The following ALOX5 variants were observed in gnomAD, a reference collection of about 807,000 sequenced individuals.
ALOX5 encodes arachidonate 5-lipoxygenase, also known as polyunsaturated fatty acid 5-lipoxygenase.
Under a neutral mutation model 87.9 loss-of-function variants are expected in ALOX5, and 64 were observed. The observed-to-expected ratio is 0.73, with a 90% CI of 0.60 to 0.90. The LOEUF is 0.90. Among genes scored for constraint, ALOX5 ranks in the 40% least tolerant of loss-of-function variants. The pLI is 0.00. For synonymous variants in ALOX5, 388 were observed against 355.1 expected, an observed-to-expected ratio of 1.09 and a Z score of -1.04; for missense variants, 822 against 907.5, an observed-to-expected ratio of 0.91 and a Z score of 1.21.
intron 4 of ALOX5, among the ~76,000 whole-genome samples, chr10:45,414,916 A>G (rs921923616): frequency 6.6e-6 from 1 of 152,268 alleles, no homozygotes; most frequent in Non-Finnish European, 1.5e-5. Context: ...AATGGCAATC[A>G]TTAAAAAGTC....
At chr10:45,439,188 A>C (rs924436697) in intron 7 of ALOX5, among the ~76,000 whole-genome samples, 1 of 152,234 alleles carries the variant, frequency 6.6e-6, no homozygotes, top group Admixed American at 6.5e-5. Flanking sequence ...ATTTTTATTA[A>C]TATGGCTTCC....
At position 45,440,542 on chromosome 10, in the gene ALOX5, C is replaced by T; in HGVS notation, c.1094C>T (p.Thr365Ile). ...VRSSDFHVHQ[T>I]ITHLLRTHLV... ...TCCAGTGACTTCCACGTCCACCAGA[C>T]CATCACCCACCTTCTGCGAACACAT... Residue 365 changes from threonine to isoleucine, a missense_variant, in exon 8 of 14, where the codon ACC (threonine) becomes ATC (isoleucine). By Grantham distance (89) the Thr-to-Ile change is moderately conservative. Coordinates refer to ENST00000374391, the MANE Select transcript of ALOX5 (RefSeq NM_000698.5). 6.2e-7 allele frequency: 1 copy of T among 1,614,204 alleles called. No homozygotes were observed.
intron 3 of ALOX5, among the ~76,000 whole-genome samples, chr10:45,401,025 G>C (rs1254244808): frequency 6.6e-6 from 1 of 152,224 alleles, no homozygotes; most frequent in Non-Finnish European, 1.5e-5. Context: ...ATGGGTGGCT[G>C]ATGGGCTGTA....
chr10:45,419,898 G>A (rs1487354974), intron 4 of ALOX5, among the ~76,000 whole-genome samples: 2 of 152,200 alleles, frequency 1.3e-5, no homozygotes, highest in African/African-American at 4.8e-5. Context: ...GAGGACCCAG[G>A]CTGGGGATCG....
chr10:45,391,005 CTCTCT>C (rs1840207048), intron 2 of ALOX5, among the ~76,000 whole-genome samples: 1 of 23,370 alleles, frequency 4.3e-5, no homozygotes, highest in Non-Finnish European at 8.0e-5. Flanking sequence ...CCCCTCTCCC[CTCTCT>C]CCTCTCCCAT....
In ALOX5 at chr10:45,439,474, C is replaced by A. The variant is rs555290905; in HGVS notation, c.982-956C>A. Among the ~76,000 whole-genome samples, 19 of 152,336 alleles carry A rather than the reference C, an allele frequency of 1.2e-4. No homozygotes were observed. In the South Asian group the frequency reaches 3.9e-3, roughly 32 times the overall value. On this transcript the variant is annotated intron_variant, in intron 7 of 13. Transcript: ENST00000374391. ...ATTCTTTCTGTCAACCCCTCCAATA[C>A]CCCATGTCTTCATGTAAAAATGGGC...
chr10:45,418,382 G>T (rs190458228), intron 4 of ALOX5, among the ~76,000 whole-genome samples: 1 of 152,172 alleles, frequency 6.6e-6, no homozygotes, highest in Non-Finnish European at 1.5e-5. Flanking sequence ...CTCCTCCCCA[G>T]GGTTGTGAGA....
intron 7 of ALOX5, among the ~76,000 whole-genome samples, chr10:45,432,124 A>C (rs1841923848): frequency 6.6e-6 from 1 of 151,890 alleles, no homozygotes; most frequent in Non-Finnish European, 1.5e-5. Flanking sequence ...CATAGTCAAA[A>C]ATTTTTTGAA....
In ALOX5 at chr10:45,440,584, T is replaced by C. The variant is rs1443746605; in HGVS notation, c.1136T>C (p.Phe379Ser). The C allele has an allele frequency of 1.2e-6, 2 of 1,614,052 alleles. No individual in the cohort carries two copies. The highest frequency in any genetic ancestry group is 1.7e-6 in the Non-Finnish European group (2 of 1,180,034). Residue 379 changes from phenylalanine to serine, a missense_variant, in exon 8 of 14, where the codon TTT (phenylalanine) becomes TCT (serine). Transcript: ENST00000374391. ...CGAACACATCTGGTGTCTGAGGTTT[T>C]TGGCATTGCAATGTACCGCCAGCTG... ...LLRTHLVSEVFGIAMYRQLPA... is the reference protein window; with the variant it reads ...LLRTHLVSEVSGIAMYRQLPA...
chr10:45,444,447 CCCCGG>C (rs1343858094), intron 13 of ALOX5, 161 bp downstream of exon 13: 7 of 1,010,814 alleles, frequency 6.9e-6, no homozygotes, highest in Non-Finnish European at 9.8e-6. Context: ...CCACCAGGTC[CCCCGG>C]CCTCAGCCTG....
chr10:45,396,917 A>C (rs966775526), intron 3 of ALOX5, among the ~76,000 whole-genome samples: 5 of 152,232 alleles, frequency 3.3e-5, no homozygotes, highest in Admixed American at 6.5e-5. Context: ...TCCAAAAATC[A>C]ATTAATTGAA....
chr10:45,410,122 A>G lies in ALOX5; in HGVS notation c.432-2069A>G, dbSNP rs529973748. Among the ~76,000 whole-genome samples, 23 of 152,390 alleles carry G rather than the reference A, an allele frequency of 1.5e-4. No individual in the cohort carries two copies. The South Asian group carries it at 4.6e-3, about 30-fold the overall frequency. On this transcript the variant is annotated intron_variant, in intron 3 of 13. Coordinates refer to ENST00000374391, the MANE Select transcript of ALOX5 (RefSeq NM_000698.5). ...TACATACTGAAAAACATCTAGCTCC[A>G]CTGAGCTTTTAAAATTAACTAGAGC...
At position 45,424,838 on chromosome 10, in the gene ALOX5, C is replaced by T. The variant is rs1010023389; in HGVS notation, c.662-122C>T. On this transcript the variant is annotated intron_variant, in intron 5 of 13. Transcript: ENST00000374391. ...GGGCAGCAGTTGGAGCTGTGCCCAT[C>T]CAGGGAGCACTCGGGAGAGGAGACC... 9.0e-6 allele frequency: 11 copies of T among 1,226,232 alleles called. No homozygotes were observed. In the African/African-American group the frequency reaches 9.0e-5, roughly 10 times the overall value. 76.0% of individuals were successfully genotyped at this position (1,226,232 alleles called of 1,614,324 possible).
chr10:45,376,193 G>A (rs1235670873), intron 1 of ALOX5, among the ~76,000 whole-genome samples: 2 of 124,036 alleles, frequency 1.6e-5, no homozygotes, highest in Non-Finnish European at 3.6e-5. Context: ...CCCTCTCTCG[G>A]TCTGTCTTCC....
chr10:45,435,108 A>C (rs1357423637), intron 7 of ALOX5, among the ~76,000 whole-genome samples: 3 of 152,202 alleles, frequency 2.0e-5, no homozygotes, highest in Non-Finnish European at 4.4e-5. Flanking sequence ...GGGTTGGGGA[A>C]GGCCCAGCTC....
Position 45,395,911 on chromosome 10 carries a change from C to T in ALOX5, c.406C>T (p.Leu136=). 6.2e-7 allele frequency: 1 copy of T among 1,614,240 alleles called. No homozygotes were observed. The highest frequency in any genetic ancestry group is 1.3e-5 in the African/African-American group (1 of 75,062). The change falls in exon 3 of 14, where the codon CTG becomes TTG. Residue 136 remains leucine, a synonymous_variant. Transcript: ENST00000374391. ...TCTCAAGCAACACCGACGTAAAGAA[C>T]TGGAAACACGGCAAAAACAATATCG... ...HILKQHRRKE[L]ETRQKQYRWM...
intron 9 of ALOX5, 73 bp from the exon 10 acceptor site, chr10:45,442,965 C>A: frequency 6.7e-7 from 1 of 1,500,280 alleles, no homozygotes; most frequent in Non-Finnish European, 9.0e-7. Context: ...TCCCCTGGCA[C>A]ATTTCCTCAG....
At chr10:45,399,060 C>G (rs914914375) in intron 3 of ALOX5, among the ~76,000 whole-genome samples, 1 of 152,260 alleles carries the variant, frequency 6.6e-6, no homozygotes, top group South Asian at 2.1e-4. Context: ...ACAACCCAAA[C>G]GTCCATTAAT....
At chr10:45,379,077 TGCTCAGTCTCTTCGTGTG>T (rs1839736692) in intron 1 of ALOX5, among the ~76,000 whole-genome samples, 1 of 152,108 alleles carries the variant, frequency 6.6e-6, no homozygotes, top group Non-Finnish European at 1.5e-5. Flanking sequence ...TCAGAGAAGC[TGCTCAGTCTCTTCGTGTG>T]GGTCGTCACC....
Sources: allele counts gnomAD v4.1 joint callset (sites outside exome capture counted in the v4.1 genomes callset), GRCh38; gene constraint gnomAD v4.1.1; transcripts MANE v1.5; gene names NCBI Gene and HGNC (gene_info 2026-07-23, HGNC 2026-07-21).